Variants in MSH3 observed in about 807,000 individuals in gnomAD.
MSH3 encodes the protein DNA mismatch repair protein Msh3.
In MSH3, 106 loss-of-function variants were observed where a neutral mutation model predicts 123.3. That is an observed-to-expected ratio of 0.86 (90% CI 0.73 to 1.01). The LOEUF is 1.01. MSH3 is among the 50% of genes least tolerant of loss of function. The pLI, the probability that MSH3 is intolerant of heterozygous loss-of-function variation, is 0.00. For synonymous variants in MSH3, 515 were observed against 481.4 expected, an observed-to-expected ratio of 1.07 and a Z score of -0.91; for missense variants, 1,459 against 1,347.6, an observed-to-expected ratio of 1.08 and a Z score of -1.29.
intron 8 of MSH3, among the ~76,000 whole-genome samples, chr5:80,689,475 A>C (rs1480720006): frequency 6.6e-6 from 1 of 152,164 alleles, no homozygotes; most frequent in Non-Finnish European, 1.5e-5. Flanking sequence ...CACCCATTTC[A>C]CTTAAATTAG....
At chr5:80,799,500 CTTTTTTTT>C (rs746348952) in intron 19 of MSH3, among the ~76,000 whole-genome samples, 74 of 32,320 alleles carry the variant, frequency 2.3e-3, no homozygotes, top group African/African-American at 9.1e-3. Context: ...GAAGATAGCA[CTTTTTTTT>C]TTTTTTTTTT....
chr5:80,784,596 A>G (rs2112016296), intron 17 of MSH3, among the ~76,000 whole-genome samples: 1 of 152,310 alleles, frequency 6.6e-6, no homozygotes, highest in South Asian at 2.1e-4. Flanking sequence ...AAAATACACA[A>G]TTAAGCTATT....
At chr5:80,734,681 T>C (rs73123310) in intron 10 of MSH3, among the ~76,000 whole-genome samples, 17,561 of 152,162 alleles carry the variant, frequency 0.12, 1,088 homozygotes, top group African/African-American at 0.17. Context: ...TTTCTGGTAG[T>C]TATTTCCATG....
chr5:80,848,732 G>C (rs1745771607), intron 20 of MSH3, among the ~76,000 whole-genome samples: 1 of 152,188 alleles, frequency 6.6e-6, no homozygotes. Flanking sequence ...ATTTCCCACT[G>C]GGTCCCTCCC....
chr5:80,716,834 T>A lies in MSH3; in HGVS notation c.1341-8619T>A, dbSNP rs1486631379. Among the ~76,000 whole-genome samples, 4 of 152,300 alleles carry A rather than the reference T, an allele frequency of 2.6e-5. No individual in the cohort carries two copies. The East Asian group carries it at 7.7e-4, about 29-fold the overall frequency. ...AACACTAGAACTTATTCCTTCTATC[T>A]AACTGTATGCTTGTACCCATTAACC... On this transcript the variant is annotated intron_variant, in intron 8 of 23. Coordinates refer to ENST00000265081, the MANE Select transcript of MSH3 (RefSeq NM_002439.5).
At chr5:80,806,960 T>A (rs1744901803) in intron 19 of MSH3, among the ~76,000 whole-genome samples, 1 of 151,946 alleles carries the variant, frequency 6.6e-6, no homozygotes. Context: ...CCCAGGACAT[T>A]GGGAGGCTGA....
At chr5:80,747,783 G>C (rs1743749153) in intron 12 of MSH3, among the ~76,000 whole-genome samples, 2 of 152,158 alleles carry the variant, frequency 1.3e-5, no homozygotes, top group South Asian at 2.1e-4. Flanking sequence ...GTATTTAGTA[G>C]AGTAACATGC....
intron 5 of MSH3, 43 bp from the exon 6 acceptor site, chr5:80,672,698 A>G (rs1749750745): frequency 6.7e-7 from 1 of 1,491,300 alleles, no homozygotes; most frequent in South Asian, 1.1e-5. Flanking sequence ...TTTACAAGTC[A>G]TTTTTTATCC....
intron 20 of MSH3, among the ~76,000 whole-genome samples, chr5:80,819,898 C>G (rs1745174718): frequency 6.6e-6 from 1 of 152,116 alleles, no homozygotes; most frequent in Non-Finnish European, 1.5e-5. Flanking sequence ...GGCCTGTGTC[C>G]CTGCATATTC....
In MSH3 at chr5:80,873,281, C is replaced by G; in HGVS notation, c.3296C>G (p.Thr1099Arg). The G allele has an allele frequency of 1.2e-6, 2 of 1,613,738 alleles. No homozygotes were observed. Among genetic ancestry groups the G allele is most frequent in the South Asian group, 1.1e-5 (1 of 91,068 alleles). Residue 1099 changes from threonine (T) to arginine (R), a missense_variant, in exon 23 of 24, where the codon ACG (threonine) becomes AGG (arginine). Physicochemically the swap from Thr to Arg is moderately conservative, Grantham distance 71. Transcript: ENST00000265081. ...KSKELEGLINTKRKRLKYFAK... is the reference protein window; with the variant it reads ...KSKELEGLINRKRKRLKYFAK... Reference sequence around the variant, plus strand: ...AAAGAGCTGGAAGGATTAATAAATACGAAAAGGTCAGAGTGATTATGCTGC... The same window carrying G: ...AAAGAGCTGGAAGGATTAATAAATAGGAAAAGGTCAGAGTGATTATGCTGC...
Position 80,740,461 on chromosome 5 carries a change from G to A in MSH3, c.1569-1003G>A, listed in dbSNP as rs928476514. On this transcript the variant is annotated intron_variant, in intron 10 of 23. Transcript: ENST00000265081. ...CAACCTCCGCCTCCCGGGTTCAAGC[G>A]ATTCTCCTGCCTCAGCCTCCTGAGT... Among the ~76,000 whole-genome samples, 13 of 151,658 alleles carry A rather than the reference G, an allele frequency of 8.6e-5. No homozygotes were observed. The East Asian group carries it at 2.3e-3, about 27-fold the overall frequency.
chr5:80,812,796 C>T (rs6890040), intron 19 of MSH3, among the ~76,000 whole-genome samples: 1 of 151,936 alleles, frequency 6.6e-6, no homozygotes, highest in South Asian at 2.1e-4. Flanking sequence ...TGGCCTCAAG[C>T]GATCCACCTC....
intron 22 of MSH3, among the ~76,000 whole-genome samples, chr5:80,869,296 G>A (rs569744508): frequency 6.6e-6 from 1 of 152,170 alleles, no homozygotes; most frequent in Non-Finnish European, 1.5e-5. Flanking sequence ...TACTTCCACT[G>A]ACTCAAAGCA....
chr5:80,692,578 AG>A (rs1750318011), intron 8 of MSH3, among the ~76,000 whole-genome samples: 2 of 143,190 alleles, frequency 1.4e-5, no homozygotes, highest in African/African-American at 5.2e-5. Flanking sequence ...ATGTTTATAT[AG>A]AGAGATAAAC....
intron 19 of MSH3, among the ~76,000 whole-genome samples, chr5:80,808,579 G>A (rs1245359452): frequency 6.6e-6 from 1 of 151,944 alleles, no homozygotes; most frequent in Non-Finnish European, 1.5e-5. Context: ...TATTAGAGCT[G>A]TGAAGTCTAA....
chr5:80,655,235 T>C (rs927574467), intron 1 of MSH3: 6 of 327,240 alleles, frequency 1.8e-5, no homozygotes, highest in African/African-American at 8.5e-5. Context: ...CTGACTCCCA[T>C]TCTGATGAGG....
intron 20 of MSH3, 139 bp from the exon 21 acceptor site, chr5:80,853,991 T>A: frequency 1.4e-6 from 1 of 701,068 alleles, no homozygotes. Flanking sequence ...TTTCTTTTGT[T>A]TAATTTAATT....
In MSH3 at chr5:80,768,123, A is replaced by G. The variant is rs2112884589; in HGVS notation, c.2084+3A>G. ...ATACTCAATGAACAAGCTGCCAAGT[A>G]AGTACCAGACCCTGAATTCTTCCTT... On this transcript the variant is annotated splice_donor_region_variant and intron_variant, in intron 14 of 23. Transcript: ENST00000265081. The G allele has an allele frequency of 6.2e-7, 1 of 1,612,956 alleles. No individual in the cohort carries two copies.
chr5:80,827,045 G>A lies in MSH3; in HGVS notation c.2813+13304G>A, dbSNP rs548791327. Among the ~76,000 whole-genome samples the A allele has an allele frequency of 5.9e-5, 9 of 152,240 alleles. No individual in the cohort carries two copies. The East Asian group carries it at 1.7e-3, about 29-fold the overall frequency. ...CCAAGGATCATTAACATCCTTGAAT[G>A]CATCACTGAGATAAGATCTGTTTAT... On this transcript the variant is annotated intron_variant, in intron 20 of 23. Transcript: ENST00000265081.
Sources: allele counts gnomAD v4.1 joint callset (sites outside exome capture counted in the v4.1 genomes callset), GRCh38; gene constraint gnomAD v4.1.1; transcripts MANE v1.5; gene names NCBI Gene and HGNC (gene_info 2026-07-23, HGNC 2026-07-21).